NRXN1: variants seen among roughly 807,000 people sequenced by gnomAD.
The protein encoded by NRXN1 is neurexin 1.
In NRXN1, 39 loss-of-function variants were observed where a neutral mutation model predicts 150.9. That is an observed-to-expected ratio of 0.26 (90% confidence interval 0.20 to 0.34). NRXN1 has a LOEUF of 0.34. NRXN1 is among the 10% of genes least tolerant of loss of function. The pLI is 1.00. For missense variants in NRXN1, 1,815 were observed against 1,949.9 expected, an observed-to-expected ratio of 0.93 and a Z score of 1.30; for synonymous variants, 924 against 757.0, an observed-to-expected ratio of 1.22 and a Z score of -3.62.
At chr2:50,339,886 T>C (rs2077437356) in intron 17 of NRXN1, among the ~76,000 whole-genome samples, 1 of 152,224 alleles carries the variant, frequency 6.6e-6, no homozygotes. Context: ...TTAGCTACTC[T>C]TTTGTGGCTA....
chr2:50,409,842 T>A (rs981918392), intron 17 of NRXN1, among the ~76,000 whole-genome samples: 1 of 152,212 alleles, frequency 6.6e-6, no homozygotes, highest in South Asian at 2.1e-4. Context: ...CAATTCTTTA[T>A]AAGTGGACAC....
chr2:50,877,513 T>C (rs1434532307), intron 5 of NRXN1, among the ~76,000 whole-genome samples: 2 of 151,938 alleles, frequency 1.3e-5, no homozygotes, highest in African/African-American at 4.8e-5. Context: ...ATTAAAGTGA[T>C]TCCTTCTTTC....
chr2:50,319,768 A>C (rs1005956051), intron 17 of NRXN1, among the ~76,000 whole-genome samples: 4 of 152,082 alleles, frequency 2.6e-5, no homozygotes, highest in African/African-American at 9.7e-5. Context: ...GCGAGCTTGC[A>C]TCCTGTCAAA....
At chr2:50,565,810 T>A (rs963632926) in intron 8 of NRXN1, among the ~76,000 whole-genome samples, 11 of 152,138 alleles carry the variant, frequency 7.2e-5, no homozygotes, top group African/African-American at 2.7e-4. Flanking sequence ...ATAACTGTCA[T>A]CAACTCCTCC....
intron 5 of NRXN1, among the ~76,000 whole-genome samples, chr2:50,870,312 A>G (rs1677584337): frequency 6.6e-6 from 1 of 151,858 alleles, no homozygotes; most frequent in Admixed American, 6.6e-5. Flanking sequence ...TCCCACATTG[A>G]GTAAAATTTA....
chr2:50,243,364 C>A (rs1221316714), intron 17 of NRXN1, among the ~76,000 whole-genome samples: 1 of 151,504 alleles, frequency 6.6e-6, no homozygotes, highest in Non-Finnish European at 1.5e-5. Flanking sequence ...TCATATATAG[C>A]AAATTGTATG....
chr2:50,712,762 C>G (rs560608009), intron 5 of NRXN1, among the ~76,000 whole-genome samples: 2 of 152,224 alleles, frequency 1.3e-5, no homozygotes, highest in South Asian at 4.1e-4. Flanking sequence ...CTTTGTGTCC[C>G]TGTGTAACCT....
chr2:50,910,712 G>A (rs1684394282), intron 5 of NRXN1, among the ~76,000 whole-genome samples: 1 of 151,906 alleles, frequency 6.6e-6, no homozygotes, highest in African/African-American at 2.4e-5. Context: ...TAGGTATAAT[G>A]GTGTTCCTAA....
At chr2:50,963,961 T>C (rs1257213748) in intron 2 of NRXN1, 1 of 440,754 alleles carries the variant, frequency 2.3e-6, no homozygotes, top group African/African-American at 2.0e-5. Flanking sequence ...GCTCAAATAA[T>C]ACAAACATAT....
intron 8 of NRXN1, among the ~76,000 whole-genome samples, chr2:50,560,746 G>C (rs1323724680): frequency 6.6e-6 from 1 of 152,086 alleles, no homozygotes; most frequent in African/African-American, 2.4e-5. Context: ...TAATTTTAAA[G>C]AGACATACGT....
intron 22 of NRXN1, 26 bp downstream of exon 22, chr2:49,943,678 G>A (rs1183638300): frequency 6.6e-7 from 1 of 1,511,702 alleles, no homozygotes; most frequent in Non-Finnish European, 9.2e-7. Context: ...GTAAAGCCAA[G>A]GAAGTAAGAA....
chr2:50,958,069 C>T lies in NRXN1; in HGVS notation c.773-32114G>A, dbSNP rs181299973. 2.1e-3 allele frequency among the ~76,000 whole-genome samples: 316 copies of T among 152,158 alleles called. 3 individuals carry two copies. In the Middle Eastern group the frequency reaches 0.024, roughly 12 times the overall value. ...GAATCCTCTGTTTATTTGTCTTGCG[C>T]AATTGTCTCAGTGCCTTTCTGGGCC... On this transcript the variant is annotated intron_variant, in intron 2 of 22. Coordinates refer to ENST00000401669, the MANE Select transcript of NRXN1 (RefSeq NM_001330078.2).
chr2:50,392,898 T>G (rs767775367), intron 17 of NRXN1, among the ~76,000 whole-genome samples: 24 of 152,034 alleles, frequency 1.6e-4, no homozygotes, highest in Non-Finnish European at 2.4e-4. Context: ...GCAGGAAGAT[T>G]GCCTGAGCCC....
At chr2:50,070,662 C>G (rs932412908) in intron 19 of NRXN1, among the ~76,000 whole-genome samples, 1 of 147,224 alleles carries the variant, frequency 6.8e-6, no homozygotes, top group East Asian at 2.1e-4. Flanking sequence ...CCCAGCTACT[C>G]GGGAGGCTGA....
chr2:50,799,555 C>A (rs190893208), intron 5 of NRXN1, among the ~76,000 whole-genome samples: 2 of 152,292 alleles, frequency 1.3e-5, no homozygotes, highest in African/African-American at 4.8e-5. Context: ...GAAAGTGATA[C>A]ATATTCACTA....
chr2:50,570,129 G>A (rs1670441262), intron 8 of NRXN1, among the ~76,000 whole-genome samples: 2 of 152,048 alleles, frequency 1.3e-5, no homozygotes, highest in African/African-American at 4.8e-5. Context: ...ATATTTTGGA[G>A]GGATCTATAA....
chr2:50,567,228 G>A (rs1181981684), intron 8 of NRXN1, among the ~76,000 whole-genome samples: 1 of 152,124 alleles, frequency 6.6e-6, no homozygotes. Flanking sequence ...TGTAACTGGA[G>A]AATAAAGAAT....
At position 50,088,313 on chromosome 2, in the gene NRXN1, G is replaced by A. The variant is rs1003999787; in HGVS notation, c.3718+3010C>T. Among the ~76,000 whole-genome samples the A allele has an allele frequency of 3.9e-5, 6 of 152,118 alleles. 1 individual carries two copies. Among genetic ancestry groups the A allele is most frequent in the Admixed American group, 3.3e-4 (5 of 15,274 alleles). ...TTTTCATGGCTTATTTCCTACCTCA[G>A]CATCACACTGAAATGAACACAGAGC... is the stretch of plus-strand genomic sequence containing the variant. On this transcript the variant is annotated intron_variant, in intron 19 of 22. Coordinates refer to ENST00000401669, the MANE Select transcript of NRXN1 (RefSeq NM_001330078.2).
At chr2:50,482,218 G>C (rs913382155) in intron 15 of NRXN1, among the ~76,000 whole-genome samples, 1 of 152,082 alleles carries the variant, frequency 6.6e-6, no homozygotes, top group Non-Finnish European at 1.5e-5. Context: ...ATGCTAAATG[G>C]GAAATAATAA....
Sources: allele counts gnomAD v4.1 joint callset (sites outside exome capture counted in the v4.1 genomes callset), GRCh38; gene constraint gnomAD v4.1.1; transcripts MANE v1.5; gene names NCBI Gene and HGNC (gene_info 2026-07-23, HGNC 2026-07-21).